BIN2: variants seen among roughly 807,000 people sequenced by gnomAD.
BIN2 encodes bridging integrator 2, also known as breast cancer associated protein BRAP1.
In BIN2, 43 loss-of-function variants were observed where a neutral mutation model predicts 67.9. The ratio of observed to expected loss-of-function variants is 0.63; its 90% CI spans 0.50 to 0.82. BIN2 has a LOEUF of 0.82. BIN2 is among the 40% of genes least tolerant of loss of function. The pLI is 0.00. For missense variants in BIN2, 581 were observed against 671.6 expected (o/e 0.87, Z 1.49); for synonymous variants, 244 against 246.8 (o/e 0.99, Z 0.11).
rs12578504 is a variant in BIN2 at position 51,310,262 on chromosome 12, A to T, written c.162+3561T>A. Among the ~76,000 whole-genome samples the T allele has an allele frequency of 4.3e-3, 660 of 152,338 alleles. 37 individuals are homozygous for T. The East Asian group carries it at 0.11, about 25-fold the overall frequency. Reference sequence around the variant, plus strand: ...TAGACAATATCATGGGAATTCAATCAGCAAAATATACACTGTAGGAAATTG... The same window carrying T: ...TAGACAATATCATGGGAATTCAATCTGCAAAATATACACTGTAGGAAATTG... On this transcript the variant is annotated intron_variant, in intron 2 of 12. Coordinates refer to ENST00000615107, the MANE Select transcript of BIN2 (RefSeq NM_016293.4).
At chr12:51,301,979 G>A (rs370995200) in intron 5 of BIN2, 41 bp downstream of exon 5, 6 of 1,356,324 alleles carry the variant, frequency 4.4e-6, no homozygotes, top group East Asian at 2.3e-5. Context: ...TAACCTGGAT[G>A]GGTCATCCAC....
At chr12:51,307,282 C>CAAAAAA in intron 2 of BIN2, among the ~76,000 whole-genome samples, 1 of 101,582 alleles carries the variant, frequency 9.8e-6, no homozygotes, top group African/African-American at 3.5e-5. Context: ...GACTCTGACT[C>CAAAAAA]AAAAAAAAAA....
rs575856802 is a variant in BIN2 at position 51,289,474 on chromosome 12, G to A, written c.1516-1286C>T. On this transcript the variant is annotated intron_variant, in intron 10 of 12. Transcript: ENST00000615107. ...TACCAAAAATACAAAAATGAGGCAG[G>A]CATGGTGGCATGCGCCTGTAGTACC... is the stretch of plus-strand genomic sequence containing the variant. Among the ~76,000 whole-genome samples the A allele has an allele frequency of 9.2e-5, 14 of 152,098 alleles. No homozygotes were observed. In the South Asian group the frequency reaches 2.9e-3, roughly 32 times the overall value.
intron 1 of BIN2, among the ~76,000 whole-genome samples, chr12:51,319,317 G>C (rs1946209283): frequency 6.6e-6 from 1 of 152,170 alleles, no homozygotes; most frequent in Non-Finnish European, 1.5e-5. Context: ...AACTCTGAAA[G>C]TGAAAAGGTG....
At position 51,292,347 on chromosome 12, in the gene BIN2, A is replaced by T; in HGVS notation, c.762-3T>A. 1 of 1,562,990 alleles carries T rather than the reference A, an allele frequency of 6.4e-7. No individual in the cohort carries two copies. The highest frequency in any genetic ancestry group is 8.6e-7 in the Non-Finnish European group (1 of 1,160,362). On this transcript the variant is annotated splice_polypyrimidine_tract_variant and splice_region_variant and intron_variant, in intron 9 of 12. Transcript: ENST00000615107. ...TGACTAAAGAGCGCCTGCTGCTGCT[A>T]AAAAAGGAAGGTGTTCAGATTCAGA...
chr12:51,298,182 G>A (rs1194989079), intron 7 of BIN2, among the ~76,000 whole-genome samples: 3 of 152,146 alleles, frequency 2.0e-5, no homozygotes, highest in Non-Finnish European at 2.9e-5. Flanking sequence ...GACCATCCTG[G>A]CCAACATGGT....
intron 2 of BIN2, among the ~76,000 whole-genome samples, chr12:51,304,587 G>A (rs959276913): frequency 6.6e-6 from 1 of 152,206 alleles, no homozygotes; most frequent in Non-Finnish European, 1.5e-5. Flanking sequence ...CTACAGATCA[G>A]AACAGACCAG....
At chr12:51,321,365 A>G (rs1946276659) in intron 1 of BIN2, among the ~76,000 whole-genome samples, 1 of 152,086 alleles carries the variant, frequency 6.6e-6, no homozygotes, top group African/African-American at 2.4e-5. Context: ...TGACATCGGT[A>G]GAATGTTGGC....
At chr12:51,282,765 G>A (rs1184768336) in intron 12 of BIN2, among the ~76,000 whole-genome samples, 5 of 151,442 alleles carry the variant, frequency 3.3e-5, no homozygotes, top group Non-Finnish European at 5.9e-5. Flanking sequence ...CACCATGCCC[G>A]GCTAATTTTT....
At chr12:51,319,655 T>C (rs1340949822) in intron 1 of BIN2, among the ~76,000 whole-genome samples, 1 of 152,122 alleles carries the variant, frequency 6.6e-6, no homozygotes, top group African/African-American at 2.4e-5. Context: ...AAAAAGTAAA[T>C]GTGGCAAAAC....
At chr12:51,320,954 A>AACACACACACACAC (rs59450014) in intron 1 of BIN2, among the ~76,000 whole-genome samples, 1 of 147,240 alleles carries the variant, frequency 6.8e-6, no homozygotes, top group African/African-American at 2.5e-5. Context: ...CACACACACA[A>AACACACACACACAC]ACACACACAC....
intron 10 of BIN2, among the ~76,000 whole-genome samples, chr12:51,290,056 A>AT (rs1355615041): frequency 1.3e-5 from 2 of 150,054 alleles, no homozygotes; most frequent in Non-Finnish European, 3.0e-5. Context: ...TTGGTCCTTT[A>AT]TTTTTTTGAA....
chr12:51,300,968 C>G (rs1441212011), intron 5 of BIN2, among the ~76,000 whole-genome samples: 1 of 152,170 alleles, frequency 6.6e-6, no homozygotes, highest in African/African-American at 2.4e-5. Flanking sequence ...CGCCTGCAAT[C>G]CCAGCACTTT....
At chr12:51,300,609 A>G (rs568539547) in intron 5 of BIN2, among the ~76,000 whole-genome samples, 1 of 152,290 alleles carries the variant, frequency 6.6e-6, no homozygotes, top group African/African-American at 2.4e-5. Context: ...GAGAAAGTCT[A>G]CTCAGCCTTA....
At chr12:51,303,240 C>G in intron 2 of BIN2, 99 bp from the exon 3 acceptor site, 2 of 1,176,724 alleles carry the variant, frequency 1.7e-6, no homozygotes, top group Non-Finnish European at 2.5e-6. Context: ...AGAAATCACA[C>G]CTGGAATTTC....
At chr12:51,306,992 G>C (rs1256532113) in intron 2 of BIN2, among the ~76,000 whole-genome samples, 1 of 152,096 alleles carries the variant, frequency 6.6e-6, no homozygotes, top group Non-Finnish European at 1.5e-5. Context: ...TTATAAAAAT[G>C]AACAAGGCTT....
At chr12:51,300,411 G>A (rs1945692074) in intron 5 of BIN2, among the ~76,000 whole-genome samples, 1 of 152,072 alleles carries the variant, frequency 6.6e-6, no homozygotes, top group African/African-American at 2.4e-5. Context: ...TGAAAGTCTG[G>A]ATTTTTGGGA....
chr12:51,315,129 T>C (rs1946088042), intron 1 of BIN2, among the ~76,000 whole-genome samples: 1 of 151,842 alleles, frequency 6.6e-6, no homozygotes, highest in African/African-American at 2.4e-5. Flanking sequence ...TCTGCAATTA[T>C]AGGCATGAGC....
chr12:51,289,866 T>C (rs951114311), intron 10 of BIN2, among the ~76,000 whole-genome samples: 3 of 151,884 alleles, frequency 2.0e-5, no homozygotes, highest in African/African-American at 7.2e-5. Flanking sequence ...GCTGTCCTTT[T>C]TGCTTTACTT....
Sources: gnomAD v4.1 joint callset for allele counts (sites outside exome capture counted in the v4.1 genomes callset) on GRCh38, gnomAD v4.1.1 for gene constraint, MANE v1.5 for transcripts, NCBI Gene and HGNC (gene_info 2026-07-23, HGNC 2026-07-21) for gene names.